MID1: variants seen among roughly 807,000 people sequenced by gnomAD.
MID1 encodes the protein E3 ubiquitin-protein ligase Midline-1.
MID1 carries 7 observed loss-of-function variants against 40.4 expected under a neutral mutation model. That is an observed-to-expected ratio of 0.17 (90% confidence interval 0.10 to 0.33). The LOEUF (loss-of-function observed/expected upper bound fraction) is 0.33. Ranked by LOEUF, MID1 falls within the 10% of genes least tolerant of loss-of-function variation. The pLI is 1.00. For synonymous variants in MID1, 229 were observed against 221.2 expected, an observed-to-expected ratio of 1.04 and a Z score of -0.31; for missense variants, 367 against 558.5, an observed-to-expected ratio of 0.66 and a Z score of 3.46.
At chrX:10,827,005 A>G (rs2044220650) in intron 1 of MID1, among the ~76,000 whole-genome samples, 1 of 111,789 alleles carries the variant, frequency 8.9e-6, no homozygotes, top group Non-Finnish European at 1.9e-5. Context: ...ACTTAGTCTT[A>G]ATTGGAAAGA....
At chrX:10,729,169 G>A (rs953057248) in intron 1 of MID1, among the ~76,000 whole-genome samples, 2 of 111,848 alleles carry the variant, frequency 1.8e-5, no homozygotes, top group Non-Finnish European at 3.8e-5. Context: ...GCTCTCCTGT[G>A]TCACAGGGGC....
intron 1 of MID1, among the ~76,000 whole-genome samples, chrX:10,759,424 G>C (rs1336267451): frequency 9.0e-6 from 1 of 111,533 alleles, no homozygotes; most frequent in African/African-American, 3.3e-5. Flanking sequence ...CACAAATCTG[G>C]TTCCCAAAGT....
chrX:10,459,696 A>C lies in MID1; in HGVS notation c.1397T>G (p.Ile466Ser), dbSNP rs1928910101. 2 of 1,211,804 alleles carry C rather than the reference A, an allele frequency of 1.7e-6. No individual in the cohort carries two copies. Among genetic ancestry groups the C allele is most frequent in the East Asian group, 5.9e-5 (2 of 33,831 alleles). Residue 466 changes from isoleucine (I) to serine (S), a missense_variant, in exon 8 of 10, where the codon ATC becomes AGC. Ile to Ser is a moderately radical substitution (Grantham distance 142). Coordinates refer to ENST00000317552, the MANE Select transcript of MID1 (RefSeq NM_000381.4). ...ACTGCTGCGGCTGCCCGCCTGGTTG[A>C]TGGCCTTGACCATGAAGATGTACTT... ...GTKYIFMVKAINQAGSRSSEP... is the reference protein window; with the variant it reads ...GTKYIFMVKASNQAGSRSSEP...
At chrX:10,824,371 T>A (rs2044200571) in intron 1 of MID1, among the ~76,000 whole-genome samples, 1 of 112,307 alleles carries the variant, frequency 8.9e-6, no homozygotes, top group Non-Finnish European at 1.9e-5. Context: ...TTCTGCCAGG[T>A]TCCTTCATTA....
chrX:10,623,617 G>A (rs946984329), upstream of MID1, among the ~76,000 whole-genome samples: 2 of 111,994 alleles, frequency 1.8e-5, no homozygotes, highest in Non-Finnish European at 3.8e-5. Flanking sequence ...CATTGCTGTG[G>A]CGCCCTTGGA....
rs751859132 is a variant in MID1, at chrX:10,501,716, T to C, written c.757-6025A>G. Among the ~76,000 whole-genome samples, 7 of 112,027 alleles carry C rather than the reference T, an allele frequency of 6.2e-5. No individual in the cohort carries two copies. In the East Asian group the frequency reaches 1.7e-3, roughly 27 times the overall value. Reference sequence around the variant, plus strand: ...CCACCAATAATCAGTTGCAGTCCCATGTAAGTTGCTACTGGGTGCACGGTT... The same window carrying C: ...CCACCAATAATCAGTTGCAGTCCCACGTAAGTTGCTACTGGGTGCACGGTT... On this transcript the variant is annotated intron_variant, in intron 3 of 9. Transcript: ENST00000317552.
At chrX:10,465,208 T>TAC (rs1458970259) in intron 7 of MID1, among the ~76,000 whole-genome samples, 5 of 65,108 alleles carry the variant, frequency 7.7e-5, no homozygotes, top group African/African-American at 4.2e-4. Flanking sequence ...TATATATATA[T>TAC]ATATATACAC....
chrX:10,698,083 C>A (rs1164364417), intron 1 of MID1, among the ~76,000 whole-genome samples: 1 of 112,155 alleles, frequency 8.9e-6, no homozygotes. Flanking sequence ...TCTTTAATTG[C>A]GTGTTTCTAA....
At chrX:10,581,272 AAAACAAACAAAC>A (rs201915419) in intron 1 of MID1, among the ~76,000 whole-genome samples, 1 of 111,508 alleles carries the variant, frequency 9.0e-6, no homozygotes, top group Non-Finnish European at 1.9e-5. Context: ...ACAAAAACAA[AAAACAAACAAAC>A]AAACAAACAA....
rs756277060 is a variant in MID1 at position 10,562,192 on chromosome X, G to A, written c.660+4696C>T. ...CAATGAGAACACATGGACACAGGGA[G>A]GGGAACATCACACACTGGGGCCTGT... On this transcript the variant is annotated intron_variant, in intron 2 of 9. Transcript: ENST00000317552. 7.4e-4 allele frequency among the ~76,000 whole-genome samples: 77 copies of A among 104,389 alleles called. 10 individuals carry two copies. The highest frequency in any genetic ancestry group is 2.8e-3 in the African/African-American group (73 of 25,754). The allele number at this position is 104,389 out of a possible 115,157, so 90.6% of individuals were successfully genotyped here. A position where few individuals can be genotyped will look rare whatever the true frequency, so the allele number is the denominator to read the frequency against.
chrX:10,566,532 CCTCTCTCTCT>C lies in MID1; in HGVS notation c.660+346_660+355del, dbSNP rs773613255. Among the ~76,000 whole-genome samples the C allele has an allele frequency of 8.4e-3, 444 of 52,858 alleles. 4 individuals carry two copies. Among genetic ancestry groups the C allele is most frequent in the African/African-American group, 0.023 (382 of 16,738 alleles). The allele number at this position is 52,858 out of a possible 115,157, so 45.9% of individuals were successfully genotyped here. ...CTCTCCCTCTCTCTCCCTCTCTCTC[CCTCTCTCTCT>C]CTCTCTCTCTCTCTCTCTCCCTCTC... On this transcript the variant is annotated intron_variant, in intron 2 of 9. Transcript: ENST00000317552.
intron 1 of MID1, among the ~76,000 whole-genome samples, chrX:10,729,831 T>A (rs1173121755): frequency 8.9e-6 from 1 of 111,809 alleles, no homozygotes; most frequent in East Asian, 2.8e-4. Context: ...ACGCCTGTAA[T>A]CCCAGCACTT....
At chrX:10,720,679 C>T (rs2043344943) in intron 1 of MID1, among the ~76,000 whole-genome samples, 1 of 111,508 alleles carries the variant, frequency 9.0e-6, no homozygotes, top group Non-Finnish European at 1.9e-5. Flanking sequence ...ACCATTTGAC[C>T]CAGCCATCCC....
chrX:10,783,652 T>C (rs1433084768), intron 1 of MID1, among the ~76,000 whole-genome samples: 1 of 112,354 alleles, frequency 8.9e-6, no homozygotes, highest in African/African-American at 3.2e-5. Flanking sequence ...TTCTTAGAAG[T>C]TGAGACAGAT....
At chrX:10,637,804 G>C (rs6654742) in intron 1 of MID1, among the ~76,000 whole-genome samples, 2,035 of 110,998 alleles carry the variant, frequency 0.018, 44 homozygotes, top group African/African-American at 0.06. Flanking sequence ...GAAGTACAAG[G>C]AATTAATAGT....
At position 10,529,423 on chromosome X, in the gene MID1, A is replaced by G. The variant is rs147060360; in HGVS notation, c.661-6236T>C. Among the ~76,000 whole-genome samples, 1,025 of 112,252 alleles carry G rather than the reference A, an allele frequency of 9.1e-3. 7 individuals carry two copies. The highest frequency in any genetic ancestry group is 0.027 in the African/African-American group (845 of 30,909). On this transcript the variant is annotated intron_variant, in intron 2 of 9. Coordinates refer to ENST00000317552, the MANE Select transcript of MID1 (RefSeq NM_000381.4). ...GATTATTGTCAGAATTCCCATCTGG[A>G]CTGCGGGTCCCTGTTTTAGACTAAG...
chrX:10,717,892 T>C (rs1349697807), intron 1 of MID1, among the ~76,000 whole-genome samples: 21 of 111,481 alleles, frequency 1.9e-4, no homozygotes, highest in African/African-American at 6.5e-4. Flanking sequence ...ATTAAGAAAC[T>C]CACTCAAAAC....
upstream of MID1, among the ~76,000 whole-genome samples, chrX:10,621,850 A>G (rs1046146599): frequency 2.8e-5 from 3 of 107,247 alleles, no homozygotes; most frequent in African/African-American, 1.0e-4. Flanking sequence ...TCTCAATCTC[A>G]GCACTATTGA....
chrX:10,589,733 C>T (rs140591926), intron 1 of MID1: 13 of 110,551 alleles, frequency 1.2e-4, no homozygotes, highest in Admixed American at 4.8e-4. Context: ...TCAGGATCCG[C>T]GTCGCTCCGG....
Sources: allele counts gnomAD v4.1 joint callset (sites outside exome capture counted in the v4.1 genomes callset), GRCh38; gene constraint gnomAD v4.1.1; transcripts MANE v1.5; gene names NCBI Gene and HGNC (gene_info 2026-07-23, HGNC 2026-07-21).